DSCAM: variants seen among roughly 807,000 people sequenced by gnomAD.
DSCAM encodes DS cell adhesion molecule, also known as cell adhesion molecule DSCAM.
A neutral mutation model predicts 217.7 loss-of-function variants in DSCAM; 47 were observed. That is an observed-to-expected ratio of 0.22 (90% CI 0.17 to 0.28). The LOEUF is 0.28. DSCAM is among the 10% of genes least tolerant of loss of function. The pLI is 1.00. For missense variants in DSCAM, 2,080 were observed against 2,618.3 expected, an observed-to-expected ratio of 0.79 and a Z score of 4.49; for synonymous variants, 1,056 against 1,015.3, an observed-to-expected ratio of 1.04 and a Z score of -0.76.
intron 11 of DSCAM, among the ~76,000 whole-genome samples, chr21:40,269,074 CTG>C (rs1242167416): frequency 6.6e-6 from 1 of 152,196 alleles, no homozygotes; most frequent in Non-Finnish European, 1.5e-5. Flanking sequence ...GAGGGGAACA[CTG>C]TGGCTGAATC....
At chr21:40,806,925 ATG>A (rs2123522938) in intron 1 of DSCAM, among the ~76,000 whole-genome samples, 1 of 151,794 alleles carries the variant, frequency 6.6e-6, no homozygotes, top group East Asian at 2.0e-4. Flanking sequence ...ACACATGGAC[ATG>A]GGGAGGGGAA....
chr21:40,625,069 T>C (rs2089581892), intron 3 of DSCAM, among the ~76,000 whole-genome samples: 1 of 152,190 alleles, frequency 6.6e-6, no homozygotes, highest in Non-Finnish European at 1.5e-5. Context: ...GTTAAATAAA[T>C]GTTTAGTTTA....
intron 1 of DSCAM, among the ~76,000 whole-genome samples, chr21:40,794,542 G>GAAAA (rs35301932): frequency 7.2e-6 from 1 of 138,292 alleles, no homozygotes; most frequent in Admixed American, 7.2e-5. Flanking sequence ...AGTCAAATTG[G>GAAAA]AAAAAAAAAA....
At chr21:40,780,993 T>C (rs2091538712) in intron 1 of DSCAM, among the ~76,000 whole-genome samples, 1 of 146,164 alleles carries the variant, frequency 6.8e-6, no homozygotes, top group African/African-American at 2.5e-5. Context: ...CATGTATCTC[T>C]TGAATTATTA....
intron 3 of DSCAM, among the ~76,000 whole-genome samples, chr21:40,376,553 G>A (rs1223107457): frequency 2.0e-5 from 2 of 99,974 alleles, no homozygotes; most frequent in South Asian, 3.6e-4. Context: ...ATCTTATATC[G>A]ATATCTATAT....
chr21:40,322,593 C>T (rs575128494), intron 8 of DSCAM, among the ~76,000 whole-genome samples: 43 of 151,588 alleles, frequency 2.8e-4, no homozygotes, highest in Non-Finnish European at 5.4e-4. Context: ...GGCATGATCT[C>T]GGCTCATGGC....
At chr21:40,511,776 G>A (rs1275390222) in intron 3 of DSCAM, among the ~76,000 whole-genome samples, 3 of 151,906 alleles carry the variant, frequency 2.0e-5, no homozygotes, top group African/African-American at 4.8e-5. Context: ...TGGATCATGA[G>A]GTCAGGAGAT....
At chr21:40,089,864 A>G (rs1161549982) in intron 21 of DSCAM, among the ~76,000 whole-genome samples, 2 of 146,980 alleles carry the variant, frequency 1.4e-5, no homozygotes, top group Non-Finnish European at 3.1e-5. Flanking sequence ...TGAAAAGTTG[A>G]ACATTTCTGG....
intron 1 of DSCAM, among the ~76,000 whole-genome samples, chr21:40,718,793 G>A (rs1033233621): frequency 1.3e-5 from 2 of 152,168 alleles, no homozygotes; most frequent in African/African-American, 4.8e-5. Context: ...AATACATAAT[G>A]AACTCCTACA....
intron 20 of DSCAM, among the ~76,000 whole-genome samples, chr21:40,098,379 T>C (rs1205852897): frequency 6.6e-6 from 1 of 152,186 alleles, no homozygotes; most frequent in Non-Finnish European, 1.5e-5. Context: ...TAAAAAGCCA[T>C]GTGAAGTAGG....
intron 3 of DSCAM, among the ~76,000 whole-genome samples, chr21:40,572,771 A>C (rs542515963): frequency 6.6e-6 from 1 of 152,202 alleles, no homozygotes; most frequent in South Asian, 2.1e-4. Context: ...TGACAGCACT[A>C]AAGGAAGAAT....
intron 8 of DSCAM, among the ~76,000 whole-genome samples, chr21:40,319,847 C>A (rs1468988027): frequency 1.3e-5 from 2 of 152,124 alleles, no homozygotes; most frequent in East Asian, 3.9e-4. Flanking sequence ...GGTAAAAATA[C>A]CCCATGGAAT....
chr21:40,679,183 C>T (rs57899936), intron 3 of DSCAM, among the ~76,000 whole-genome samples: 2,465 of 152,246 alleles, frequency 0.016, 61 homozygotes, highest in African/African-American at 0.057. Flanking sequence ...AAAGCAAAAG[C>T]TCTTATTAAA....
At chr21:40,044,684 G>C (rs2088815027) in intron 30 of DSCAM, among the ~76,000 whole-genome samples, 1 of 152,224 alleles carries the variant, frequency 6.6e-6, no homozygotes, top group African/African-American at 2.4e-5. Context: ...TACTGTGCTA[G>C]AGAATGACTT....
intron 1 of DSCAM, among the ~76,000 whole-genome samples, chr21:40,755,783 G>A (rs1288573510): frequency 6.6e-6 from 1 of 152,150 alleles, no homozygotes; most frequent in Non-Finnish European, 1.5e-5. Context: ...TATTCATATA[G>A]CTTCTATGGC....
chr21:40,731,277 T>C lies in DSCAM; in HGVS notation c.44-22506A>G, dbSNP rs550410606. Among the ~76,000 whole-genome samples the C allele has an allele frequency of 2.9e-4, 44 of 152,340 alleles. 1 individual carries two copies. In the South Asian group the frequency reaches 9.1e-3, roughly 32 times the overall value. ...AACACAGGTAGTATGATAGGAGTGA[T>C]AGTGAGAATAATGTTAACAAGAAGA... On this transcript the variant is annotated intron_variant, in intron 1 of 32. Transcript: ENST00000400454.
rs1053534932 is a variant in DSCAM, at chr21:40,581,865, T to TA, written c.508+110944dup. Among the ~76,000 whole-genome samples the TA allele has an allele frequency of 3.9e-5, 6 of 152,148 alleles. No homozygotes were observed. The South Asian group carries it at 6.2e-4, about 16-fold the overall frequency. The stretch of plus-strand genomic sequence containing the variant: ...ATTTCTTTCTTTTAATTTTTCCTTG[T>TA]AAAAAAAATTAACAAAGTAACGCAA... On this transcript the variant is annotated intron_variant, in intron 3 of 32. Coordinates refer to ENST00000400454, the MANE Select transcript of DSCAM (RefSeq NM_001389.5).
intron 9 of DSCAM, among the ~76,000 whole-genome samples, chr21:40,301,080 T>C (rs2074009724): frequency 6.6e-6 from 1 of 152,170 alleles, no homozygotes; most frequent in South Asian, 2.1e-4. Context: ...TGCCAGCCAA[T>C]TCTGTGCCTC....
At chr21:40,559,376 T>G (rs2076698238) in intron 3 of DSCAM, among the ~76,000 whole-genome samples, 1 of 149,670 alleles carries the variant, frequency 6.7e-6, no homozygotes, top group Non-Finnish European at 1.5e-5. Flanking sequence ...AAGAATAGCG[T>G]AAACCCGGGG....
Sources: gnomAD v4.1 joint callset for allele counts (sites outside exome capture counted in the v4.1 genomes callset) on GRCh38, gnomAD v4.1.1 for gene constraint, MANE v1.5 for transcripts, NCBI Gene and HGNC (gene_info 2026-07-23, HGNC 2026-07-21) for gene names.